Variants in ITGB5 observed in about 807,000 individuals in gnomAD.
ITGB5 encodes the protein integrin subunit beta 5, also known as integrin beta-5.
ITGB5 carries 38 observed loss-of-function variants against 84.8 expected under a neutral mutation model. The observed-to-expected ratio is 0.45, with a 90% CI of 0.35 to 0.59. ITGB5 has a LOEUF of 0.59. ITGB5 is among the 20% of genes least tolerant of loss of function. The pLI is 0.01. For missense variants in ITGB5, 905 were observed against 1,034.5 expected (o/e 0.87, Z 1.72); for synonymous variants, 393 against 414.4 (o/e 0.95, Z 0.63).
At chr3:124,799,534 T>C (rs2064284605) in intron 9 of ITGB5, among the ~76,000 whole-genome samples, 1 of 152,120 alleles carries the variant, frequency 6.6e-6, no homozygotes, top group South Asian at 2.1e-4. Context: ...CACTCCAGCC[T>C]GGACGACAGA....
chr3:124,886,776 G>T (rs1439301783), intron 1 of ITGB5, among the ~76,000 whole-genome samples, 155 bp downstream of exon 1: 1 of 151,414 alleles, frequency 6.6e-6, no homozygotes, highest in Non-Finnish European at 1.5e-5. Flanking sequence ...GGAGCGCCCC[G>T]CGGGGCTGTC....
At chr3:124,824,561 T>C (rs755086199) in intron 5 of ITGB5, among the ~76,000 whole-genome samples, 4 of 152,294 alleles carry the variant, frequency 2.6e-5, no homozygotes, top group Non-Finnish European at 4.4e-5. Flanking sequence ...GTTCAAAACC[T>C]TCTTTGAAAA....
At chr3:124,859,220 G>A (rs975640012) in intron 3 of ITGB5, 22 bp downstream of exon 3, 2 of 1,608,910 alleles carry the variant, frequency 1.2e-6, no homozygotes, top group Non-Finnish European at 1.7e-6. Context: ...AGAGCATCCA[G>A]CCCTTTCTGT....
Position 124,859,405 on chromosome 3 carries a change from C to G in ITGB5, c.198G>C (p.Leu66=). The change falls in exon 3 of 15, where the codon CTG becomes CTC. Residue 66 remains leucine, a synonymous_variant. Coordinates refer to ENST00000296181, the MANE Select transcript of ITGB5 (RefSeq NM_002213.5). ...AGCCATTTTTGACAAGGTTTGCCCT[C>G]AGATCACACCGAGAGGTGATGGACC... ...SPRSITSRCD[L]RANLVKNGCG... 2 of 1,614,172 alleles carry G rather than the reference C, an allele frequency of 1.2e-6. No homozygotes were observed. The highest frequency in any genetic ancestry group is 1.7e-6 in the Non-Finnish European group (2 of 1,180,034).
chr3:124,820,473 G>C (rs557544670), intron 6 of ITGB5, among the ~76,000 whole-genome samples: 1 of 152,168 alleles, frequency 6.6e-6, no homozygotes, highest in African/African-American at 2.4e-5. Flanking sequence ...TGGGTACAGG[G>C]GCCCGCATCT....
rs199954109 is a variant in ITGB5, at chr3:124,765,952, GGGA to G, written c.2137+271_2137+273del. 5.4e-3 allele frequency among the ~76,000 whole-genome samples: 826 copies of G among 151,958 alleles called. 8 individuals are homozygous for G. Among genetic ancestry groups the G allele is most frequent in the Middle Eastern group, 0.024 (7 of 294 alleles). On this transcript the variant is annotated intron_variant, in intron 13 of 14. Coordinates refer to ENST00000296181, the MANE Select transcript of ITGB5 (RefSeq NM_002213.5). ...TGCATGCCTGTAGTGCCAGCTGCTC[GGGA>G]GGCTGAAGCGGGAGGATCACCTGAA...
At chr3:124,898,525 TC>T (rs1935152532) in intron 1 of ITGB5, among the ~76,000 whole-genome samples, 1 of 149,330 alleles carries the variant, frequency 6.7e-6, no homozygotes, top group South Asian at 2.1e-4. Flanking sequence ...GCACCTGTAG[TC>T]CCAGCTACTC....
At chr3:124,886,482 T>C (rs910122517) in intron 1 of ITGB5, among the ~76,000 whole-genome samples, 3 of 152,072 alleles carry the variant, frequency 2.0e-5, no homozygotes, top group Non-Finnish European at 4.4e-5. Context: ...CCCCGGGCTT[T>C]GGCTGGGGTT....
chr3:124,879,894 T>A, intron 1 of ITGB5, among the ~76,000 whole-genome samples: 1 of 152,024 alleles, frequency 6.6e-6, no homozygotes, highest in Non-Finnish European at 1.5e-5. Flanking sequence ...GAAAAGGGGG[T>A]CACAGAAATA....
intron 3 of ITGB5, among the ~76,000 whole-genome samples, chr3:124,854,152 G>A (rs1265650): frequency 0.84 from 127,427 of 152,214 alleles, 53,619 homozygotes; most frequent in African/African-American, 0.92. Flanking sequence ...AATCCTGCTT[G>A]AAGCTTGGCA....
chr3:124,763,566 C>T lies in ITGB5; in HGVS notation c.*57G>A, dbSNP rs1028140937. ...GATCAAGCCGAGCAGCCGTGCAAGG[C>T]GTTTCAGTCTGACCTTTTCATCAGA... is the stretch of plus-strand genomic sequence containing the variant. On this transcript the variant is annotated 3_prime_UTR_variant, in exon 15 of 15. Coordinates refer to ENST00000296181, the MANE Select transcript of ITGB5 (RefSeq NM_002213.5). 27 of 1,047,766 alleles carry T rather than the reference C, an allele frequency of 2.6e-5. No individual in the cohort carries two copies. The highest frequency in any genetic ancestry group is 2.0e-4 in the Middle Eastern group (1 of 4,950). The allele number at this position is 1,047,766 out of a possible 1,614,324, so 64.9% of individuals were successfully genotyped here.
In ITGB5 at chr3:124,859,307, G is replaced by A. The variant is rs569598450; in HGVS notation, c.296C>T (p.Ser99Leu). The A allele has an allele frequency of 4.3e-6, 7 of 1,614,088 alleles. No homozygotes were observed. Among genetic ancestry groups the A allele is most frequent in the East Asian group, 2.2e-5 (1 of 44,872 alleles). Residue 99 changes from serine to leucine, a missense_variant, in exon 3 of 15, where the codon TCG (serine) becomes TTG (leucine). By Grantham distance (145) the Ser-to-Leu change is moderately radical. Transcript: ENST00000296181. ...AATGACGTCCCAGCCTGCAGAGCCCGAACCCTTGCTGCTGAGGGGCAGGCT... is the reference window on the plus strand; with the variant it reads ...AATGACGTCCCAGCCTGCAGAGCCCAAACCCTTGCTGCTGAGGGGCAGGCT... ...LRSLPLSSKG[S>L]GSAGWDVIQM...
At chr3:124,898,370 G>T (rs921991114) in intron 1 of ITGB5, among the ~76,000 whole-genome samples, 3 of 151,946 alleles carry the variant, frequency 2.0e-5, no homozygotes, top group Non-Finnish European at 4.4e-5. Flanking sequence ...ACAGCCGGGC[G>T]CGGTGGCTCA....
intron 2 of ITGB5, among the ~76,000 whole-genome samples, chr3:124,870,749 C>CCCTGCCCTTTACACT (rs373001465): frequency 6.7e-6 from 1 of 149,478 alleles, no homozygotes; most frequent in Non-Finnish European, 1.5e-5. Flanking sequence ...AAAAAAAAAC[C>CCCTGCCCTTTACACT]CCAGTGGAGG....
intron 3 of ITGB5, among the ~76,000 whole-genome samples, chr3:124,859,000 G>A (rs778364220): frequency 3.3e-5 from 5 of 152,156 alleles, no homozygotes; most frequent in Non-Finnish European, 7.4e-5. Flanking sequence ...TAAATGTTAT[G>A]TATATTTCAC....
chr3:124,893,227 G>C (rs1386287221), intron 1 of ITGB5, among the ~76,000 whole-genome samples: 2 of 152,126 alleles, frequency 1.3e-5, no homozygotes, highest in Non-Finnish European at 2.9e-5. Flanking sequence ...GGCCAACATG[G>C]TGAAAACCCA....
intron 5 of ITGB5, among the ~76,000 whole-genome samples, chr3:124,823,633 T>G (rs1378280095): frequency 2.0e-5 from 3 of 148,668 alleles, no homozygotes; most frequent in African/African-American, 7.3e-5. Flanking sequence ...ATATATAAAC[T>G]ATATATAAAT....
intron 9 of ITGB5, among the ~76,000 whole-genome samples, chr3:124,799,171 G>A (rs1200558356): frequency 1.3e-5 from 2 of 152,182 alleles, no homozygotes; most frequent in African/African-American, 4.8e-5. Context: ...CAACTCCAAG[G>A]CTAAGTTCCA....
chr3:124,898,643 CAAAAAAAAAAAAA>C (rs68025034), intron 1 of ITGB5, among the ~76,000 whole-genome samples: 3 of 29,274 alleles, frequency 1.0e-4, no homozygotes, highest in Non-Finnish European at 1.3e-4. Flanking sequence ...GACTCCGTCT[CAAAAAAAAAAAAA>C]AAAAAAAAAA....
Sources: gnomAD v4.1 joint callset for allele counts (sites outside exome capture counted in the v4.1 genomes callset) on GRCh38, gnomAD v4.1.1 for gene constraint, MANE v1.5 for transcripts, NCBI Gene and HGNC (gene_info 2026-07-23, HGNC 2026-07-21) for gene names.